Variants in MGAT5 observed in about 807,000 individuals in gnomAD.
MGAT5 encodes the protein alpha-1,6-mannosylglycoprotein 6-beta-N-acetylglucosaminyltransferase.
A neutral mutation model predicts 94.3 loss-of-function variants in MGAT5; 30 were observed. That is an observed-to-expected ratio of 0.32 (90% CI 0.24 to 0.43). The LOEUF is 0.43. Ranked by LOEUF, MGAT5 falls within the 20% of genes least tolerant of loss-of-function variation. MGAT5 has a pLI of 1.00. For synonymous variants in MGAT5, 310 were observed against 322.9 expected (o/e 0.96, Z 0.43); for missense variants, 691 against 905.5 (o/e 0.76, Z 3.04).
At chr2:134,130,090 C>T (rs540379959) in intron 1 of MGAT5, among the ~76,000 whole-genome samples, 8 of 152,266 alleles carry the variant, frequency 5.3e-5, no homozygotes, top group African/African-American at 1.7e-4. Context: ...GGAGGAGCGC[C>T]GGGTCCCCCA....
intron 1 of MGAT5, among the ~76,000 whole-genome samples, chr2:134,130,186 C>T (rs1240117707): frequency 2.6e-5 from 4 of 151,598 alleles, no homozygotes; most frequent in African/African-American, 4.8e-5. Flanking sequence ...ATCTGCAGCC[C>T]GCCATGCTGG....
chr2:134,374,933 C>A (rs1188436010), intron 10 of MGAT5, among the ~76,000 whole-genome samples: 1 of 152,192 alleles, frequency 6.6e-6, no homozygotes, highest in Non-Finnish European at 1.5e-5. Flanking sequence ...GTCAAGGCTG[C>A]AGTGAGCTGA....
chr2:134,252,182 G>A (rs1048520844), upstream of MGAT5, among the ~76,000 whole-genome samples: 1 of 152,220 alleles, frequency 6.6e-6, no homozygotes, highest in African/African-American at 2.4e-5. Context: ...GGTGGGACTA[G>A]AGCTGGGGTC....
chr2:134,188,416 G>C (rs929207174), intron 1 of MGAT5, among the ~76,000 whole-genome samples: 2 of 152,272 alleles, frequency 1.3e-5, no homozygotes, highest in African/African-American at 4.8e-5. Context: ...TTATGCCTCA[G>C]TGCTCTCATC....
chr2:134,365,162 C>G (rs1003805492), intron 10 of MGAT5, among the ~76,000 whole-genome samples: 2 of 152,134 alleles, frequency 1.3e-5, no homozygotes, highest in African/African-American at 4.8e-5. Flanking sequence ...TTTGGAAGGT[C>G]TTCCTTCACC....
chr2:134,451,543 GGTGCCCCT>G lies in MGAT5; in HGVS notation c.*2700_*2707del, dbSNP rs1462787254. ...TGCCCTGCATGGAAGAGGAGAGGAA[GGTGCCCCT>G]GTGTGGGCTGGAAGCCTGCGGAGGT... On this transcript the variant is annotated 3_prime_UTR_variant, in exon 16 of 16. Coordinates refer to ENST00000281923, the MANE Select transcript of MGAT5 (RefSeq NM_002410.5). 8 of 152,300 alleles carry G rather than the reference GGTGCCCCT, an allele frequency of 5.3e-5. No individual in the cohort carries two copies. The highest frequency in any genetic ancestry group is 1.0e-4 in the Non-Finnish European group (7 of 68,082). 9.4% of individuals were successfully genotyped at this position (152,300 alleles called of 1,614,324 possible).
At chr2:134,263,155 T>C (rs1683448635) in intron 1 of MGAT5, among the ~76,000 whole-genome samples, 1 of 152,150 alleles carries the variant, frequency 6.6e-6, no homozygotes, top group African/African-American at 2.4e-5. Context: ...TGGATAACAA[T>C]AGGCTTGACC....
At chr2:134,159,874 T>C (rs1037988484) in intron 1 of MGAT5, among the ~76,000 whole-genome samples, 1 of 152,176 alleles carries the variant, frequency 6.6e-6, no homozygotes, top group African/African-American at 2.4e-5. Flanking sequence ...CCTTACTCCC[T>C]AGAAGATTCA....
At chr2:134,330,741 C>T (rs1437981801) in intron 4 of MGAT5, among the ~76,000 whole-genome samples, 1 of 152,042 alleles carries the variant, frequency 6.6e-6, no homozygotes, top group East Asian at 1.9e-4. Flanking sequence ...CAGAGATGAT[C>T]TCAGACTTCT....
At chr2:134,251,724 G>C (rs1682613724), upstream of MGAT5, among the ~76,000 whole-genome samples, 1 of 152,152 alleles carries the variant, frequency 6.6e-6, no homozygotes, top group Non-Finnish European at 1.5e-5. Context: ...AGGATAGTTA[G>C]CATGCACATC....
intron 1 of MGAT5, among the ~76,000 whole-genome samples, chr2:134,142,637 C>T (rs1379197378): frequency 1.3e-5 from 2 of 152,162 alleles, no homozygotes; most frequent in Non-Finnish European, 2.9e-5. Flanking sequence ...AGGCCTTCTG[C>T]GTTTTTATTG....
In MGAT5 at chr2:134,235,727, G is replaced by GCTT. The variant is rs111416761; in HGVS notation, c.-142-18535_-142-18534insCTT. Among the ~76,000 whole-genome samples, 478 of 149,426 alleles carry GCTT rather than the reference G, an allele frequency of 3.2e-3. 6 individuals are homozygous for GCTT. The highest frequency in any genetic ancestry group is 0.011 in the African/African-American group (456 of 40,372). ...TTTAAATCATTGTAATAATAATAGG[G>GCTT]GTTTTTTTTTTTTGCATGGAGTGAT... is the stretch of plus-strand genomic sequence containing the variant. On this transcript the variant is annotated intron_variant, in intron 1 of 16. Transcript: ENST00000409645.
chr2:134,377,663 A>G (rs1397461507), intron 10 of MGAT5, among the ~76,000 whole-genome samples: 2 of 152,246 alleles, frequency 1.3e-5, no homozygotes, highest in South Asian at 2.1e-4. Flanking sequence ...GGCAGTGGTC[A>G]TAGAGATACA....
exon 1 of MGAT5, chr2:134,120,217 C>A: frequency 3.0e-6 from 1 of 338,220 alleles, no homozygotes; most frequent in African/African-American, 2.2e-5. Context: ...CGGGGCGTCG[C>A]GACCTCGCGC....
chr2:134,221,974 G>T (rs1680796071), intron 1 of MGAT5, among the ~76,000 whole-genome samples: 1 of 152,148 alleles, frequency 6.6e-6, no homozygotes, highest in Non-Finnish European at 1.5e-5. Context: ...GGAGTTGTCT[G>T]ATCTGGTCAT....
chr2:134,233,936 C>T (rs367817557), intron 1 of MGAT5, among the ~76,000 whole-genome samples: 3 of 152,226 alleles, frequency 2.0e-5, no homozygotes, highest in Admixed American at 2.0e-4. Flanking sequence ...AATTCCGAAG[C>T]AGACTTCTAA....
intron 9 of MGAT5, among the ~76,000 whole-genome samples, chr2:134,360,895 A>T (rs368419136): frequency 2.1e-5 from 3 of 144,200 alleles, no homozygotes; most frequent in Non-Finnish European, 4.7e-5. Flanking sequence ...CAACCCTGTT[A>T]TCTCCTCATT....
At chr2:134,277,570 C>T (rs62167964) in intron 2 of MGAT5, among the ~76,000 whole-genome samples, 24,638 of 152,166 alleles carry the variant, frequency 0.16, 2,109 homozygotes, top group Middle Eastern at 0.35. Context: ...CCTCCCCTGA[C>T]ATGGGATTAA....
chr2:134,382,652 C>T (rs540863311), intron 10 of MGAT5, among the ~76,000 whole-genome samples: 7 of 152,192 alleles, frequency 4.6e-5, no homozygotes, highest in Admixed American at 1.3e-4. Context: ...CAGGATTGAA[C>T]ACTACTGTGA....
Sources: gnomAD v4.1 joint callset for allele counts (sites outside exome capture counted in the v4.1 genomes callset) on GRCh38, gnomAD v4.1.1 for gene constraint, MANE v1.5 for transcripts, NCBI Gene and HGNC (gene_info 2026-07-23, HGNC 2026-07-21) for gene names.